MICAL3: variants seen among roughly 807,000 people sequenced by gnomAD.
MICAL3 encodes the protein [F-actin]-monooxygenase MICAL3.
MICAL3 carries 62 observed loss-of-function variants against 207.4 expected under a neutral mutation model. That is an observed-to-expected ratio of 0.30 (90% CI 0.24 to 0.37). MICAL3 has a LOEUF of 0.37. Ranked by LOEUF, MICAL3 falls within the 10% of genes least tolerant of loss-of-function variation. The pLI is 1.00. For missense variants in MICAL3, 2,368 were observed against 2,635.6 expected, an observed-to-expected ratio of 0.90 and a Z score of 2.22; for synonymous variants, 1,077 against 1,069.3, an observed-to-expected ratio of 1.01 and a Z score of -0.14.
At chr22:17,834,544 C>G (rs1483926613) in intron 20 of MICAL3, 1 of 1,165,462 alleles carries the variant, frequency 8.6e-7, no homozygotes, top group Non-Finnish European at 1.1e-6. Flanking sequence ...TGGGGAGACC[C>G]AGTCTCTACA....
intron 19 of MICAL3, among the ~76,000 whole-genome samples, chr22:17,859,738 C>T (rs986039153): frequency 4.1e-4 from 63 of 152,322 alleles, no homozygotes; most frequent in African/African-American, 1.4e-3. Context: ...GGCCCCAGCT[C>T]CCTGCCACAG....
Position 17,833,668 on chromosome 22 carries a change from G to A in MICAL3, c.2802-1561C>T, listed in dbSNP as rs939109079. Among the ~76,000 whole-genome samples, 9 of 152,292 alleles carry A rather than the reference G, an allele frequency of 5.9e-5. No homozygotes were observed. In the South Asian group the frequency reaches 1.2e-3, roughly 21 times the overall value. ...GCTGTCACTGTTTGCCGGAGACCCC[G>A]GTTCATGTTGCATAGTCTAGTAATG... On this transcript the variant is annotated intron_variant, in intron 20 of 31. Transcript: ENST00000441493.
rs1374835822 is a variant in MICAL3, at chr22:17,900,310, G to A, written c.847+532C>T. 6.6e-6 allele frequency among the ~76,000 whole-genome samples: 1 copy of A among 152,168 alleles called. No homozygotes were observed. The highest frequency in any genetic ancestry group is 1.5e-5 in the Non-Finnish European group (1 of 68,032). On this transcript the variant is annotated intron_variant, in intron 6 of 31. Transcript: ENST00000441493. The surrounding 1 kb of genome is among the most constrained non-coding windows in gnomAD (Gnocchi z 4.0). The stretch of plus-strand genomic sequence containing the variant: ...AACGAATGCTTTACAACAAATAAAC[G>A]AACAAACAAAACCTCAGGCTGGGTG...
In MICAL3 at chr22:17,808,855, CG is replaced by C; in HGVS notation, c.5638del (p.Arg1880GlyfsTer14). 1 of 1,552,764 alleles carries C rather than the reference CG, an allele frequency of 6.4e-7. No homozygotes were observed. The highest frequency in any genetic ancestry group is 8.7e-7 in the Non-Finnish European group (1 of 1,147,942). On this transcript the variant is annotated frameshift_variant, in exon 29 of 32. Coordinates refer to ENST00000441493, the MANE Select transcript of MICAL3 (RefSeq NM_015241.3). LOFTEE classifies it high-confidence loss of function. ...GAGCCCGGCAGTACCTGCTTCGCCC[CG>C]GAGCGCCTTCTCCACAGCCACGCCC... ...ERGVAVEKALRGEAGMGKKDD... is the reference protein window; with the variant it reads ...ERGVAVEKALXGEAGMGKKDD...
chr22:17,867,802 T>C (rs1315080202), intron 17 of MICAL3, among the ~76,000 whole-genome samples: 1 of 152,258 alleles, frequency 6.6e-6, no homozygotes, highest in South Asian at 2.1e-4. Flanking sequence ...ATTGGGTTTC[T>C]ATTACTTGTA....
At position 17,809,873 on chromosome 22, in the gene MICAL3, G is replaced by C. The variant is rs532390684; in HGVS notation, c.5556+830C>G. 4.6e-5 allele frequency among the ~76,000 whole-genome samples: 7 copies of C among 152,032 alleles called. No individual in the cohort carries two copies. In the East Asian group the frequency reaches 1.2e-3, roughly 25 times the overall value. On this transcript the variant is annotated intron_variant, in intron 28 of 31. Coordinates refer to ENST00000441493, the MANE Select transcript of MICAL3 (RefSeq NM_015241.3). ...AAGGGATTCGGGAAACTCAATGCAGGGTTCTTCCTTTTTTTTTTTATTTTT... is the reference window on the plus strand; with the variant it reads ...AAGGGATTCGGGAAACTCAATGCAGCGTTCTTCCTTTTTTTTTTTATTTTT...
rs74801032 is a variant in MICAL3, at chr22:17,962,844, T to C, written c.-74-55958A>G. 4.5e-3 allele frequency among the ~76,000 whole-genome samples: 689 copies of C among 152,246 alleles called. 4 individuals carry two copies. Among genetic ancestry groups the C allele is most frequent in the Non-Finnish European group, 7.1e-3 (485 of 68,014 alleles). ...ACTTGTTTTTCTGTAGGTGCCCAGGTTGGTTTTGAACTCCTGGCCTCAAGG... is the reference window on the plus strand; with the variant it reads ...ACTTGTTTTTCTGTAGGTGCCCAGGCTGGTTTTGAACTCCTGGCCTCAAGG... On this transcript the variant is annotated intron_variant, in intron 1 of 31. Coordinates refer to ENST00000441493, the MANE Select transcript of MICAL3 (RefSeq NM_015241.3).
intron 21 of MICAL3, among the ~76,000 whole-genome samples, chr22:17,829,186 G>A (rs1922528709): frequency 7.3e-6 from 1 of 136,644 alleles, no homozygotes; most frequent in Non-Finnish European, 1.5e-5. Flanking sequence ...TTTTTTTTGA[G>A]ACGAAGTGTC....
In MICAL3 at chr22:17,808,851, G is replaced by GCC; in HGVS notation, c.5641_5642dup (p.Glu1882AlafsTer13). Reference sequence around the variant, plus strand: ...GAGGGAGCCCGGCAGTACCTGCTTCGCCCCGGAGCGCCTTCTCCACAGCCA... The same window carrying GCC: ...GAGGGAGCCCGGCAGTACCTGCTTCGCCCCCCGGAGCGCCTTCTCCACAGCCA... On this transcript the variant is annotated frameshift_variant, in exon 29 of 32. Coordinates refer to ENST00000441493, the MANE Select transcript of MICAL3 (RefSeq NM_015241.3). LOFTEE classifies it high-confidence loss of function. The GCC allele has an allele frequency of 6.4e-7, 1 of 1,552,314 alleles. No homozygotes were observed. The highest frequency in any genetic ancestry group is 8.7e-7 in the Non-Finnish European group (1 of 1,147,674).
At chr22:17,914,271 T>C (rs1439869612) in intron 1 of MICAL3, among the ~76,000 whole-genome samples, 1 of 149,402 alleles carries the variant, frequency 6.7e-6, no homozygotes, top group Non-Finnish European at 1.5e-5. Flanking sequence ...TGGCATTGGG[T>C]GGAGGGGGGT....
chr22:17,933,661 T>C (rs1200636168), intron 1 of MICAL3, among the ~76,000 whole-genome samples: 4 of 151,960 alleles, frequency 2.6e-5, no homozygotes, highest in Non-Finnish European at 5.9e-5. Context: ...AAAGAAACCC[T>C]TCAAAAAAAT....
chr22:17,889,225 A>G lies in MICAL3; in HGVS notation c.1700T>C (p.Phe567Ser). The change falls in exon 13 of 32, where the codon TTT becomes TCT. Residue 567 changes from phenylalanine to serine, a missense_variant. Coordinates refer to ENST00000441493, the MANE Select transcript of MICAL3 (RefSeq NM_015241.3). ...CACATTTTGCTCATCCAAAGAATCAAAATCTCTGAGAAACAGGACAAGGAA... is the reference window on the plus strand; with the variant it reads ...CACATTTTGCTCATCCAAAGAATCAGAATCTCTGAGAAACAGGACAAGGAA... ...IHRYRPDLID[F>S]DSLDEQNVEK... 6.2e-7 allele frequency: 1 copy of G among 1,610,112 alleles called. No homozygotes were observed. Among genetic ancestry groups the G allele is most frequent in the Non-Finnish European group, 8.5e-7 (1 of 1,176,604 alleles).
rs751245541 is a variant in MICAL3 at position 17,808,831 on chromosome 22, A to C, written c.5650+13T>G. On this transcript the variant is annotated intron_variant, in intron 29 of 31. Coordinates refer to ENST00000441493, the MANE Select transcript of MICAL3 (RefSeq NM_015241.3). ...CCTCCAGGAGCAGAGCTTAGGAGGGAGCCCGGCAGTACCTGCTTCGCCCCG... is the reference window on the plus strand; with the variant it reads ...CCTCCAGGAGCAGAGCTTAGGAGGGCGCCCGGCAGTACCTGCTTCGCCCCG... 132 of 1,550,682 alleles carry C rather than the reference A, an allele frequency of 8.5e-5. No individual in the cohort carries two copies. Among genetic ancestry groups the C allele is most frequent in the Non-Finnish European group, 8.5e-5 (98 of 1,146,630 alleles).
intron 13 of MICAL3, among the ~76,000 whole-genome samples, chr22:17,888,432 G>A (rs182553913): frequency 9.3e-5 from 11 of 117,684 alleles, no homozygotes; most frequent in African/African-American, 4.5e-4. Flanking sequence ...ACAAGTAGGA[G>A]TAGAAAGAAG....
rs573707073 is a variant in MICAL3, at chr22:17,796,985, C to T, written c.5651-5684G>A. ...ACTTGTACTTCTATATTCCCACCTT[C>T]TCTCCAACCAAGACTCTTCACCTTG... On this transcript the variant is annotated intron_variant, in intron 29 of 31. Coordinates refer to ENST00000441493, the MANE Select transcript of MICAL3 (RefSeq NM_015241.3). The surrounding 1 kb of genome is among the most constrained non-coding windows in gnomAD (Gnocchi z 4.4). Among the ~76,000 whole-genome samples, 12 of 152,282 alleles carry T rather than the reference C, an allele frequency of 7.9e-5. No individual in the cohort carries two copies. Among genetic ancestry groups the T allele is most frequent in the Admixed American group, 3.3e-4 (5 of 15,304 alleles).
intron 19 of MICAL3, among the ~76,000 whole-genome samples, chr22:17,851,341 C>A (rs1406287161): frequency 3.9e-5 from 6 of 152,140 alleles, no homozygotes; most frequent in African/African-American, 1.4e-4. Context: ...CTGCTTCCGG[C>A]TCCACTTGAC....
Position 17,817,984 on chromosome 22 carries a change from C to A in MICAL3, c.4677G>T (p.Pro1559=), listed in dbSNP as rs370464455. 6 of 1,612,198 alleles carry A rather than the reference C, an allele frequency of 3.7e-6. No individual in the cohort carries two copies. The highest frequency in any genetic ancestry group is 1.6e-4 in the Middle Eastern group (1 of 6,084). ...CWPRPEKPRH[P]PLAKENGRLP... ...GCCTCCCGTTCTCCTTGGCCAGGGG[C>A]GGGTGGCGAGGCTTCTCGGGGCGCG... The change falls in exon 26 of 32, where the codon CCG becomes CCT. Residue 1559 remains proline, a synonymous_variant. Coordinates refer to ENST00000441493, the MANE Select transcript of MICAL3 (RefSeq NM_015241.3).
At chr22:17,809,044 A>AT in intron 28 of MICAL3, 107 bp from the exon 29 acceptor site, 1 of 964,340 alleles carries the variant, frequency 1.0e-6, no homozygotes, top group Non-Finnish European at 1.6e-6. Flanking sequence ...CCGCTCTGGA[A>AT]AGGGCTCTAG....
intron 19 of MICAL3, chr22:17,862,653 G>C: frequency 2.0e-6 from 2 of 985,194 alleles, no homozygotes; most frequent in Non-Finnish European, 1.2e-6. Flanking sequence ...TCTATCAAAG[G>C]AGAAAAGGGT....
Sources: gnomAD v4.1 joint callset for allele counts (sites outside exome capture counted in the v4.1 genomes callset) on GRCh38, gnomAD v4.1.1 for gene constraint, Gnocchi (gnomAD v3.1) non-coding constraint, MANE v1.5 for transcripts, NCBI Gene and HGNC (gene_info 2026-07-23, HGNC 2026-07-21) for gene names.